Variants in MID2 observed in about 807,000 individuals in gnomAD.
MID2 encodes the protein midline 2, also known as probable E3 ubiquitin-protein ligase MID2.
Under a neutral mutation model 46.1 loss-of-function variants are expected in MID2, and 13 were observed. That is an observed-to-expected ratio of 0.28 (90% CI 0.18 to 0.45). MID2 has a LOEUF of 0.45. Ranked by LOEUF, MID2 falls within the 20% of genes least tolerant of loss-of-function variation. MID2 has a pLI of 1.00. For missense variants in MID2, 431 were observed against 575.4 expected, an observed-to-expected ratio of 0.75 and a Z score of 2.57; for synonymous variants, 199 against 212.3, an observed-to-expected ratio of 0.94 and a Z score of 0.55.
At chrX:107,904,636 A>G (rs373344732) in intron 4 of MID2, among the ~76,000 whole-genome samples, 68 of 111,828 alleles carry the variant, frequency 6.1e-4, no homozygotes, top group African/African-American at 2.0e-3. Context: ...GGGAGGGAAG[A>G]ACACAACAGG....
intron 3 of MID2, among the ~76,000 whole-genome samples, chrX:107,866,004 C>T (rs1229988094): frequency 8.9e-6 from 1 of 112,331 alleles, no homozygotes; most frequent in African/African-American, 3.2e-5. Flanking sequence ...GGTGAGTGAC[C>T]TAGGCAGGGA....
intron 3 of MID2, among the ~76,000 whole-genome samples, chrX:107,865,566 C>G (rs187567498): frequency 3.6e-5 from 4 of 111,919 alleles, no homozygotes; most frequent in Non-Finnish European, 7.5e-5. Context: ...CCCCGCCCAC[C>G]CCAAAGGGTT....
intron 4 of MID2, among the ~76,000 whole-genome samples, chrX:107,904,315 T>C (rs1224826435): frequency 8.9e-6 from 1 of 111,840 alleles, no homozygotes; most frequent in African/African-American, 3.3e-5. Context: ...CATTGAGCTG[T>C]ACACTTAGGA....
chrX:107,869,618 A>AT (rs1932024801), intron 3 of MID2, among the ~76,000 whole-genome samples: 1 of 110,788 alleles, frequency 9.0e-6, no homozygotes, highest in Admixed American at 9.6e-5. Flanking sequence ...TTCAGGTTTT[A>AT]TTTTTGGGAC....
intron 3 of MID2, among the ~76,000 whole-genome samples, chrX:107,881,080 G>C (rs911338660): frequency 3.5e-5 from 4 of 112,894 alleles, no homozygotes; most frequent in Non-Finnish European, 7.5e-5. Flanking sequence ...ATTTGCCAAG[G>C]CAATTTATAC....
At chrX:107,924,580 C>G (rs1933137787) in intron 8 of MID2, 76 bp downstream of exon 8, 1 of 1,046,274 alleles carries the variant, frequency 9.6e-7, no homozygotes, top group Admixed American at 2.3e-5. Flanking sequence ...TGAGCAGGCA[C>G]TCACAGCAGT....
Position 107,903,939 on chromosome X carries a change from C to G in MID2, c.817-19C>G. The G allele has an allele frequency of 1.8e-6, 2 of 1,125,392 alleles. No individual in the cohort carries two copies. The highest frequency in any genetic ancestry group is 2.4e-6 in the Non-Finnish European group (2 of 817,022). 92.7% of individuals were successfully genotyped at this position (1,125,392 alleles called of 1,213,427 possible). On this transcript the variant is annotated intron_variant, in intron 3 of 9. Transcript: ENST00000262843. ...CAAAGGCAACAATCACTGTGTAATA[C>G]TCTGAAATTTCTTGGCAGGTGAATA...
At chrX:107,879,242 C>T (rs975368145) in intron 3 of MID2, among the ~76,000 whole-genome samples, 1 of 111,902 alleles carries the variant, frequency 8.9e-6, no homozygotes, top group African/African-American at 3.2e-5. Flanking sequence ...CACCCACACC[C>T]GAGTTCTTGT....
chrX:107,853,400 A>G (rs1931673499), intron 2 of MID2, among the ~76,000 whole-genome samples: 1 of 111,185 alleles, frequency 9.0e-6, no homozygotes, highest in Non-Finnish European at 1.9e-5. Flanking sequence ...CCTGGGGTCA[A>G]GTGATCCTCC....
intron 8 of MID2, among the ~76,000 whole-genome samples, chrX:107,925,208 A>C (rs1330287380): frequency 8.9e-6 from 1 of 112,353 alleles, no homozygotes; most frequent in Non-Finnish European, 1.9e-5. Context: ...TTCTGCTTCC[A>C]TCTGCTTCCA....
At chrX:107,832,572 A>G (rs1456357063) in intron 1 of MID2, among the ~76,000 whole-genome samples, 2 of 111,525 alleles carry the variant, frequency 1.8e-5, no homozygotes, top group East Asian at 5.6e-4. Context: ...TTTTCATCTG[A>G]TAGATGAAAA....
intron 1 of MID2, among the ~76,000 whole-genome samples, chrX:107,829,776 T>A (rs943929180): frequency 2.7e-5 from 3 of 111,578 alleles, no homozygotes; most frequent in Non-Finnish European, 3.8e-5. Context: ...GTGTCCCTCT[T>A]ATTTGTTTTC....
rs1219383928 is a variant in MID2 at position 107,931,592 on chromosome X, C to T, written c.*4519C>T. ...CCTCTCTACAATATTCCAGCCCATC[C>T]AAAATGCTATATTATGAATTAAATA... On this transcript the variant is annotated 3_prime_UTR_variant, in exon 10 of 10. Transcript: ENST00000262843. 9.0e-6 allele frequency among the ~76,000 whole-genome samples: 1 copy of T among 111,511 alleles called. No individual in the cohort carries two copies. The highest frequency in any genetic ancestry group is 9.6e-5 in the Admixed American group (1 of 10,448).
chrX:107,911,761 G>A (rs758147395), intron 5 of MID2, among the ~76,000 whole-genome samples: 3 of 111,425 alleles, frequency 2.7e-5, no homozygotes, highest in East Asian at 2.8e-4. Flanking sequence ...ATTATAAGGC[G>A]GAATGCTGGC....
intron 3 of MID2, among the ~76,000 whole-genome samples, chrX:107,888,727 C>G (rs1028722761): frequency 9.0e-6 from 1 of 111,568 alleles, no homozygotes; most frequent in Non-Finnish European, 1.9e-5. Flanking sequence ...GTGTTAAAGT[C>G]TCCCATTATT....
intron 3 of MID2, among the ~76,000 whole-genome samples, chrX:107,891,279 CTT>C (rs753102005): frequency 1.3e-4 from 12 of 93,328 alleles, no homozygotes; most frequent in African/African-American, 2.0e-4. Context: ...TGTTTTATAC[CTT>C]TTTTTTTTTT....
chrX:107,910,048 A>G (rs983825705), intron 5 of MID2, among the ~76,000 whole-genome samples: 4 of 112,007 alleles, frequency 3.6e-5, no homozygotes, highest in Admixed American at 9.4e-5. Flanking sequence ...TTTGAAACAT[A>G]CAATATGTTA....
Position 107,928,810 on chromosome X carries a change from A to C in MID2, c.*1737A>C, listed in dbSNP as rs1317128913. ...TTAATGTGGAAGGCAAGACTGATGC[A>C]GACACACAAGGAAGGCTCAAAAATA... On this transcript the variant is annotated 3_prime_UTR_variant, in exon 10 of 10. Coordinates refer to ENST00000262843, the MANE Select transcript of MID2 (RefSeq NM_012216.4). Among the ~76,000 whole-genome samples the C allele has an allele frequency of 8.9e-6, 1 of 112,351 alleles. No homozygotes were observed. The highest frequency in any genetic ancestry group is 2.8e-4 in the East Asian group (1 of 3,600).
In MID2 at chrX:107,905,357, A is replaced by C. The variant is rs1202315321; in HGVS notation, c.925-121A>C. On this transcript the variant is annotated intron_variant, in intron 4 of 9. Transcript: ENST00000262843. ...TGAGTGGTTAGTACAGGGACCATGGAATATTAATAAACCTTATTTTTAGAA... is the reference window on the plus strand; with the variant it reads ...TGAGTGGTTAGTACAGGGACCATGGCATATTAATAAACCTTATTTTTAGAA... 12 of 567,566 alleles carry C rather than the reference A, an allele frequency of 2.1e-5. No individual in the cohort carries two copies. The East Asian group carries it at 4.4e-4, about 21-fold the overall frequency. 46.8% of individuals were successfully genotyped at this position (567,566 alleles called of 1,213,427 possible).
Sources: gnomAD v4.1 joint callset for allele counts (sites outside exome capture counted in the v4.1 genomes callset) on GRCh38, gnomAD v4.1.1 for gene constraint, MANE v1.5 for transcripts, NCBI Gene and HGNC (gene_info 2026-07-23, HGNC 2026-07-21) for gene names.